Variants in TMED2 observed in about 807,000 individuals in gnomAD.
TMED2 encodes transmembrane emp24 domain-containing protein 2.
A neutral mutation model predicts 17.5 loss-of-function variants in TMED2; 3 were observed. That is an observed-to-expected ratio of 0.17 (90% CI 0.08 to 0.44). The LOEUF (loss-of-function observed/expected upper bound fraction) is 0.44. Among genes scored for constraint, TMED2 ranks in the 20% least tolerant of loss-of-function variants. The probability of loss-of-function intolerance (pLI) is 0.99; values close to 1 mark genes in which losing one functional copy is unlikely to be tolerated. For missense variants in TMED2, 149 were observed against 254.8 expected (o/e 0.58, Z 2.83); for synonymous variants, 95 against 91.0 (o/e 1.04, Z -0.25).
rs145164350 is a variant in TMED2 at position 123,584,761 on chromosome 12, A to G, written c.125A>G (p.Lys42Arg). The change falls in exon 1 of 4, where the codon AAG becomes AGG. Residue 42 changes from lysine (K) to arginine (R), a missense_variant. Coordinates refer to ENST00000262225, the MANE Select transcript of TMED2 (RefSeq NM_006815.4). The stretch of plus-strand genomic sequence containing the variant: ...TTTGAGCGGGTCACCTCGGGCACCA[A>G]GATGGGCCTCATCTTCGAGGTGGCG... The part of the protein sequence containing the change: ...CFFERVTSGT[K>R]MGLIFEVAEG... 8.1e-6 allele frequency: 13 copies of G among 1,613,458 alleles called. No individual in the cohort carries two copies. Among genetic ancestry groups the G allele is most frequent in the African/African-American group, 1.3e-5 (1 of 74,938 alleles).
chr12:123,588,533 A>C lies in TMED2; in HGVS notation c.373+1594A>C, dbSNP rs539842461. ...AATAGTTTGAAAATGTTGGTTGATG[A>C]ATGTGAATATTGAACTTCTTAGATA... On this transcript the variant is annotated intron_variant, in intron 2 of 3. Coordinates refer to ENST00000262225, the MANE Select transcript of TMED2 (RefSeq NM_006815.4). 2.0e-5 allele frequency among the ~76,000 whole-genome samples: 3 copies of C among 152,292 alleles called. No individual in the cohort carries two copies. The South Asian group carries it at 6.2e-4, about 32-fold the overall frequency.
intron 3 of TMED2, among the ~76,000 whole-genome samples, chr12:123,593,007 C>G (rs1953404400): frequency 6.6e-6 from 1 of 152,052 alleles, no homozygotes; most frequent in Non-Finnish European, 1.5e-5. Flanking sequence ...AGTTCGAGAC[C>G]AGCCTGGCCA....
intron 3 of TMED2, among the ~76,000 whole-genome samples, chr12:123,591,214 A>G (rs539212801): frequency 7.2e-5 from 11 of 152,306 alleles, no homozygotes. Flanking sequence ...ACACCAAAAC[A>G]TGAGTACAGG....
intron 2 of TMED2, among the ~76,000 whole-genome samples, chr12:123,588,430 G>A (rs1953367842): frequency 6.6e-6 from 1 of 152,078 alleles, no homozygotes; most frequent in East Asian, 1.9e-4. Context: ...TATAGGGTAG[G>A]ACTTGACTAA....
chr12:123,584,853 G>T, intron 1 of TMED2, 37 bp downstream of exon 1: 2 of 1,598,686 alleles, frequency 1.3e-6, no homozygotes, highest in Non-Finnish European at 1.7e-6. Flanking sequence ...GCTTGGTCGC[G>T]TGGCCACTCG....
rs376515254 is a variant in TMED2, at chr12:123,594,882, T to C, written c.482-1723T>C. Among the ~76,000 whole-genome samples, 4 of 148,394 alleles carry C rather than the reference T, an allele frequency of 2.7e-5. No individual in the cohort carries two copies. The East Asian group carries it at 8.1e-4, about 30-fold the overall frequency. On this transcript the variant is annotated intron_variant, in intron 3 of 3. Coordinates refer to ENST00000262225, the MANE Select transcript of TMED2 (RefSeq NM_006815.4). ...AGCCTGGGCAACAAGAGTGAAACTC[T>C]GTCTCAAAACATAAAAAATAAAATA...
intron 3 of TMED2, among the ~76,000 whole-genome samples, chr12:123,596,142 G>A (rs1017663153): frequency 6.6e-6 from 1 of 152,194 alleles, no homozygotes; most frequent in African/African-American, 2.4e-5. Flanking sequence ...CAAAAGTGAT[G>A]TGCATTCAGA....
intron 3 of TMED2, among the ~76,000 whole-genome samples, chr12:123,591,368 G>T (rs74643748): frequency 0.15 from 22,091 of 152,186 alleles, 1,866 homozygotes; most frequent in African/African-American, 0.23. Flanking sequence ...CATTAAAAAT[G>T]AAGCTTTTGC....
Position 123,594,253 on chromosome 12 carries a change from G to C in TMED2, c.482-2352G>C, listed in dbSNP as rs183056187. Among the ~76,000 whole-genome samples the C allele has an allele frequency of 3.9e-3, 592 of 151,626 alleles. 3 individuals are homozygous for C. The highest frequency in any genetic ancestry group is 0.014 in the African/African-American group (571 of 41,344). ...AGGTTCACGCCATTCTCCTGCCTCA[G>C]CCTCTCGAGTAGTTGGGACTACAGG... On this transcript the variant is annotated intron_variant, in intron 3 of 3. Coordinates refer to ENST00000262225, the MANE Select transcript of TMED2 (RefSeq NM_006815.4).
chr12:123,595,040 C>G (rs927944381), intron 3 of TMED2, among the ~76,000 whole-genome samples: 1 of 152,032 alleles, frequency 6.6e-6, no homozygotes, highest in Admixed American at 6.6e-5. Context: ...ACCAGCCTGA[C>G]CAACATGGTG....
rs377652594 is a variant in TMED2 at position 123,587,140 on chromosome 12, C to T, written c.373+201C>T. 1.3e-4 allele frequency among the ~76,000 whole-genome samples: 19 copies of T among 151,776 alleles called. No homozygotes were observed. In the East Asian group the frequency reaches 2.5e-3, roughly 20 times the overall value. ...GGCTAGTGTTTGTTTTTTTGTTGTT[C>T]TTTTTTCTTTTATTTATTTATTTTA... On this transcript the variant is annotated intron_variant, in intron 2 of 3. Coordinates refer to ENST00000262225, the MANE Select transcript of TMED2 (RefSeq NM_006815.4).
At chr12:123,592,926 C>T (rs1470673579) in intron 3 of TMED2, among the ~76,000 whole-genome samples, 3 of 152,052 alleles carry the variant, frequency 2.0e-5, no homozygotes, top group African/African-American at 7.2e-5. Flanking sequence ...AAAAATTAGG[C>T]CGAGCACAGT....
At chr12:123,596,385 T>C (rs1953431086) in intron 3 of TMED2, among the ~76,000 whole-genome samples, 1 of 152,218 alleles carries the variant, frequency 6.6e-6, no homozygotes. Flanking sequence ...GCTATGATGT[T>C]TGCTAGGTTA....
chr12:123,587,431 C>A (rs1362279466), intron 2 of TMED2, among the ~76,000 whole-genome samples: 1 of 152,142 alleles, frequency 6.6e-6, no homozygotes, highest in African/African-American at 2.4e-5. Flanking sequence ...TCCCTTCTAA[C>A]AGATTTTCTT....
chr12:123,595,103 C>A (rs1410054513), intron 3 of TMED2, among the ~76,000 whole-genome samples: 1 of 150,134 alleles, frequency 6.7e-6, no homozygotes, highest in Non-Finnish European at 1.5e-5. Context: ...GGGGTGTGCA[C>A]GTGTAATCCC....
chr12:123,594,260 G>A (rs1352486921), intron 3 of TMED2, among the ~76,000 whole-genome samples: 3 of 151,214 alleles, frequency 2.0e-5, no homozygotes, highest in African/African-American at 7.3e-5. Flanking sequence ...TCAGCCTCTC[G>A]AGTAGTTGGG....
intron 2 of TMED2, chr12:123,587,659 CT>C: frequency 7.9e-7 from 1 of 1,264,706 alleles, no homozygotes; most frequent in East Asian, 5.9e-5. Flanking sequence ...TGACAGCATC[CT>C]TTTTGCATCT....
chr12:123,592,063 A>G (rs1953396356), intron 3 of TMED2, among the ~76,000 whole-genome samples: 1 of 152,214 alleles, frequency 6.6e-6, no homozygotes, highest in African/African-American at 2.4e-5. Context: ...CACAGACATC[A>G]GCTTGTGTTG....
chr12:123,584,984 T>C, intron 1 of TMED2, 168 bp downstream of exon 1: 1 of 822,190 alleles, frequency 1.2e-6, no homozygotes, highest in Admixed American at 3.0e-5. Flanking sequence ...CACGGCGACC[T>C]CCTAACGGCC....
Sources: gnomAD v4.1 joint callset for allele counts (sites outside exome capture counted in the v4.1 genomes callset) on GRCh38, gnomAD v4.1.1 for gene constraint, MANE v1.5 for transcripts, NCBI Gene and HGNC (gene_info 2026-07-23, HGNC 2026-07-21) for gene names.